EPHB1: variants seen among roughly 807,000 people sequenced by gnomAD.
EPHB1 encodes EPH receptor B1.
A neutral mutation model predicts 94.4 loss-of-function variants in EPHB1; 30 were observed. The observed-to-expected ratio is 0.32, with a 90% confidence interval of 0.24 to 0.43. The LOEUF is 0.43. EPHB1 is among the 20% of genes least tolerant of loss of function. The pLI is 1.00. For missense variants in EPHB1, 1,055 were observed against 1,308.3 expected (o/e 0.81, Z 2.99); for synonymous variants, 522 against 489.1 (o/e 1.07, Z -0.89).
intron 3 of EPHB1, among the ~76,000 whole-genome samples, chr3:135,036,082 C>T (rs935873892): frequency 6.6e-6 from 1 of 152,204 alleles, no homozygotes; most frequent in African/African-American, 2.4e-5. Context: ...TAGTACTCTC[C>T]AGTGGCTGCC....
intron 10 of EPHB1, among the ~76,000 whole-genome samples, chr3:135,190,698 A>T (rs1398393963): frequency 6.6e-6 from 1 of 152,258 alleles, no homozygotes; most frequent in Admixed American, 6.5e-5. Flanking sequence ...TATATTTTTA[A>T]CATACAAATT....
chr3:135,152,163 T>G (rs1000150572), intron 5 of EPHB1, among the ~76,000 whole-genome samples: 1 of 152,228 alleles, frequency 6.6e-6, no homozygotes, highest in Non-Finnish European at 1.5e-5. Context: ...TGACTATTTT[T>G]TTTTCAGCAG....
chr3:134,994,290 T>C (rs1252619844), intron 3 of EPHB1, among the ~76,000 whole-genome samples: 4 of 152,202 alleles, frequency 2.6e-5, no homozygotes, highest in Non-Finnish European at 5.9e-5. Context: ...ATATGAAATA[T>C]CATGATAGTG....
At chr3:134,852,025 G>T (rs976069766) in intron 1 of EPHB1, among the ~76,000 whole-genome samples, 1 of 152,152 alleles carries the variant, frequency 6.6e-6, no homozygotes, top group East Asian at 1.9e-4. Context: ...GAATCCCAGG[G>T]CTACAAGGGT....
intron 1 of EPHB1, among the ~76,000 whole-genome samples, chr3:134,868,259 C>G (rs890281614): frequency 2.0e-5 from 3 of 152,114 alleles, no homozygotes; most frequent in Non-Finnish European, 2.9e-5. Context: ...AGGCTCTTAC[C>G]ATTTTTTATC....
At chr3:135,066,264 G>C (rs1408375721) in intron 3 of EPHB1, among the ~76,000 whole-genome samples, 2 of 152,188 alleles carry the variant, frequency 1.3e-5, no homozygotes, top group Non-Finnish European at 2.9e-5. Flanking sequence ...GGCTGGGAAT[G>C]TTTTCCTCAA....
intron 3 of EPHB1, among the ~76,000 whole-genome samples, chr3:135,078,238 A>G (rs911539806): frequency 2.0e-5 from 3 of 152,000 alleles, no homozygotes; most frequent in African/African-American, 7.2e-5. Flanking sequence ...CAGGGGGAGG[A>G]GTATGGAAAG....
chr3:135,005,395 A>C (rs1100566), intron 3 of EPHB1, among the ~76,000 whole-genome samples: 2 of 152,086 alleles, frequency 1.3e-5, no homozygotes, highest in African/African-American at 4.8e-5. Flanking sequence ...TCTGCAGAGG[A>C]GACTGCTGTC....
intron 1 of EPHB1, among the ~76,000 whole-genome samples, chr3:134,892,798 C>A (rs1423537763): frequency 6.6e-6 from 1 of 151,834 alleles, no homozygotes; most frequent in East Asian, 1.9e-4. Flanking sequence ...ACTCTGCCCT[C>A]CCCTCCCTCC....
chr3:135,152,868 C>CTG (rs1273328479), intron 5 of EPHB1, among the ~76,000 whole-genome samples: 3 of 152,170 alleles, frequency 2.0e-5, no homozygotes, highest in African/African-American at 7.2e-5. Flanking sequence ...AGTAGGAACT[C>CTG]TGAGAGGTGC....
At chr3:135,019,033 G>A (rs1935901067) in intron 3 of EPHB1, among the ~76,000 whole-genome samples, 1 of 152,092 alleles carries the variant, frequency 6.6e-6, no homozygotes, top group Non-Finnish European at 1.5e-5. Context: ...TGAGCACCAC[G>A]TGTTCAGTGG....
At chr3:135,135,353 A>G (rs1209503794) in intron 5 of EPHB1, among the ~76,000 whole-genome samples, 1 of 152,202 alleles carries the variant, frequency 6.6e-6, no homozygotes, top group East Asian at 1.9e-4. Context: ...CTATGTGTAA[A>G]TACAAATTAT....
At chr3:134,964,873 T>A (rs1933669429) in intron 3 of EPHB1, among the ~76,000 whole-genome samples, 1 of 152,226 alleles carries the variant, frequency 6.6e-6, no homozygotes. Flanking sequence ...GAATGGCTAT[T>A]TCCATTCATT....
intron 3 of EPHB1, among the ~76,000 whole-genome samples, chr3:135,040,754 A>G (rs1272691890): frequency 3.3e-5 from 5 of 152,242 alleles, no homozygotes; most frequent in Non-Finnish European, 1.5e-5. Context: ...CCCGGCCTCA[A>G]AGATACTGCA....
intron 5 of EPHB1, among the ~76,000 whole-genome samples, chr3:135,137,388 T>G (rs1239432692): frequency 2.6e-5 from 4 of 152,190 alleles, no homozygotes; most frequent in Non-Finnish European, 4.4e-5. Context: ...TTAAAGCACT[T>G]GAGAGCCAAA....
chr3:134,918,663 G>C (rs2038618386), intron 1 of EPHB1, among the ~76,000 whole-genome samples: 1 of 152,126 alleles, frequency 6.6e-6, no homozygotes, highest in African/African-American at 2.4e-5. Context: ...TCTGCTTCCT[G>C]CTTTCTCTTT....
chr3:134,980,254 C>G (rs1056861232), intron 3 of EPHB1, among the ~76,000 whole-genome samples: 1 of 152,020 alleles, frequency 6.6e-6, no homozygotes, highest in Non-Finnish European at 1.5e-5. Flanking sequence ...ACTTGAGCTT[C>G]CTCATAGCAT....
intron 1 of EPHB1, among the ~76,000 whole-genome samples, chr3:134,869,037 T>C (rs905184940): frequency 4.0e-4 from 61 of 152,374 alleles, no homozygotes; most frequent in African/African-American, 1.4e-3. Context: ...CCACTTAACA[T>C]TTCTGTGCCT....
intron 2 of EPHB1, among the ~76,000 whole-genome samples, chr3:134,936,013 G>C (rs1560304631): frequency 6.6e-6 from 1 of 152,054 alleles, no homozygotes; most frequent in Non-Finnish European, 1.5e-5. Context: ...ACTAGGTGGG[G>C]GTGCCGCTGA....
Sources: gnomAD v4.1 joint callset for allele counts (sites outside exome capture counted in the v4.1 genomes callset) on GRCh38, gnomAD v4.1.1 for gene constraint, MANE v1.5 for transcripts, NCBI Gene and HGNC (gene_info 2026-07-23, HGNC 2026-07-21) for gene names.